Variants in CACNB4 observed in about 807,000 individuals in gnomAD.
CACNB4 encodes voltage-dependent L-type calcium channel subunit beta-4.
In CACNB4, 32 loss-of-function variants were observed where a neutral mutation model predicts 71.2. The ratio of observed to expected loss-of-function variants is 0.45; its 90% CI spans 0.34 to 0.60. The LOEUF is 0.60. CACNB4 is among the 20% of genes least tolerant of loss of function. The pLI is 0.01. For missense variants in CACNB4, 464 were observed against 647.9 expected, an observed-to-expected ratio of 0.72 and a Z score of 3.08; for synonymous variants, 231 against 236.9, an observed-to-expected ratio of 0.97 and a Z score of 0.23.
chr2:151,840,381 C>T (rs982203709), intron 13 of CACNB4, among the ~76,000 whole-genome samples: 5 of 152,356 alleles, frequency 3.3e-5, no homozygotes, highest in African/African-American at 1.2e-4. Flanking sequence ...GGGAGAACCA[C>T]TCTAGGTGGA....
At position 151,876,509 on chromosome 2, in the gene CACNB4, A is replaced by G. The variant is rs373311758; in HGVS notation, c.438T>C (p.Cys146=). The G allele has an allele frequency of 8.7e-6, 14 of 1,602,512 alleles. No individual in the cohort carries two copies. In the African/African-American group the frequency reaches 1.2e-4, roughly 14 times the overall value. ...WWIGRLVKEG[C]EIGFIPSPLR... Reference sequence around the variant, plus strand: ...GTGGACTTGGAATGAAGCCAATTTCACAGCCCTCTTTCACCAGCCTTCCTA... The same window carrying G: ...GTGGACTTGGAATGAAGCCAATTTCGCAGCCCTCTTTCACCAGCCTTCCTA... Residue 146 remains cysteine (C), a synonymous_variant, in exon 5 of 14, where the codon TGT becomes TGC. Coordinates refer to ENST00000539935, the MANE Select transcript of CACNB4 (RefSeq NM_000726.5).
intron 2 of CACNB4, among the ~76,000 whole-genome samples, chr2:152,043,191 G>A (rs956886113): frequency 3.3e-5 from 5 of 152,142 alleles, no homozygotes; most frequent in Admixed American, 1.3e-4. Flanking sequence ...TGAGCAGCCC[G>A]TGCCACTGCT....
intron 2 of CACNB4, among the ~76,000 whole-genome samples, chr2:151,997,008 G>A (rs1682085292): frequency 6.6e-6 from 1 of 152,118 alleles, no homozygotes; most frequent in African/African-American, 2.4e-5. Flanking sequence ...AGGGTATAAG[G>A]GCCAAGGGGT....
At chr2:152,029,403 A>G (rs1196736862) in intron 2 of CACNB4, among the ~76,000 whole-genome samples, 6 of 150,848 alleles carry the variant, frequency 4.0e-5, no homozygotes. Context: ...TTGAGGCAGG[A>G]GAATTGCTTG....
intron 2 of CACNB4, among the ~76,000 whole-genome samples, chr2:151,937,622 C>T (rs2099863239): frequency 1.3e-5 from 2 of 152,208 alleles, no homozygotes; most frequent in Admixed American, 1.3e-4. Flanking sequence ...TCTACATCTA[C>T]AATCTGGGGA....
intron 6 of CACNB4, chr2:151,872,027 G>T (rs942983351): frequency 7.5e-6 from 2 of 265,902 alleles, no homozygotes; most frequent in Non-Finnish European, 7.2e-6. Context: ...AATACATCCT[G>T]AAATTCCACA....
At chr2:152,070,206 T>G (rs1005230527) in intron 2 of CACNB4, among the ~76,000 whole-genome samples, 4 of 152,150 alleles carry the variant, frequency 2.6e-5, no homozygotes, top group African/African-American at 9.7e-5. Context: ...AAATAAACAT[T>G]TAAAAGTCAA....
intron 2 of CACNB4, among the ~76,000 whole-genome samples, chr2:151,909,953 G>A (rs911408217): frequency 1.3e-5 from 2 of 152,128 alleles, no homozygotes; most frequent in South Asian, 2.1e-4. Context: ...TTGAGGAATC[G>A]CCATACTGTC....
At chr2:152,053,729 G>T (rs1004858390) in intron 2 of CACNB4, among the ~76,000 whole-genome samples, 2 of 151,878 alleles carry the variant, frequency 1.3e-5, no homozygotes, top group African/African-American at 4.8e-5. Flanking sequence ...TCACTATGTT[G>T]CCCAGGCCTG....
intron 2 of CACNB4, among the ~76,000 whole-genome samples, chr2:151,949,308 A>G (rs910424166): frequency 1.3e-5 from 2 of 152,102 alleles, no homozygotes; most frequent in Admixed American, 6.5e-5. Flanking sequence ...TTTCAGACAC[A>G]TGATGGACTA....
chr2:151,979,150 T>C (rs1362094504), intron 2 of CACNB4, among the ~76,000 whole-genome samples: 1 of 151,884 alleles, frequency 6.6e-6, no homozygotes, highest in African/African-American at 2.4e-5. Flanking sequence ...TAACAAATGC[T>C]ACTGCTGGTT....
At chr2:151,947,816 G>A (rs10497090) in intron 2 of CACNB4, among the ~76,000 whole-genome samples, 34,405 of 152,096 alleles carry the variant, frequency 0.23, 4,008 homozygotes, top group Middle Eastern at 0.42. Context: ...ACTATTATGA[G>A]AATGTCTATT....
At chr2:152,012,748 G>A (rs1222782174) in intron 2 of CACNB4, among the ~76,000 whole-genome samples, 1 of 152,134 alleles carries the variant, frequency 6.6e-6, no homozygotes, top group Non-Finnish European at 1.5e-5. Context: ...AGAAGTTAAA[G>A]TTTATAAAGT....
intron 2 of CACNB4, among the ~76,000 whole-genome samples, chr2:152,036,685 C>T (rs1022133531): frequency 1.3e-5 from 2 of 152,058 alleles, no homozygotes; most frequent in South Asian, 2.1e-4. Flanking sequence ...GTGAGGATGT[C>T]GACCTCTAGA....
intron 12 of CACNB4, among the ~76,000 whole-genome samples, chr2:151,846,412 G>C (rs1267692159): frequency 6.6e-6 from 1 of 152,086 alleles, no homozygotes; most frequent in Non-Finnish European, 1.5e-5. Flanking sequence ...GCATGGAGGG[G>C]AGAATCTCAT....
At position 151,916,507 on chromosome 2, in the gene CACNB4, T is replaced by C. The variant is rs554860581; in HGVS notation, c.148-33137A>G. On this transcript the variant is annotated intron_variant, in intron 2 of 13. Transcript: ENST00000539935. ...ATGAAAAAAAAAGAGAATGTCATAG[T>C]GGAATAAAGTATCACCAGTTTTAAA... 1.2e-4 allele frequency among the ~76,000 whole-genome samples: 19 copies of C among 152,272 alleles called. No individual in the cohort carries two copies. In the East Asian group the frequency reaches 1.5e-3, roughly 12 times the overall value.
chr2:151,943,713 G>A (rs2099864844), intron 2 of CACNB4, among the ~76,000 whole-genome samples: 1 of 152,180 alleles, frequency 6.6e-6, no homozygotes, highest in African/African-American at 2.4e-5. Flanking sequence ...AAAGCCTCCA[G>A]AAAATAGCCA....
At chr2:151,948,403 G>A (rs1198911054) in intron 2 of CACNB4, among the ~76,000 whole-genome samples, 1 of 152,234 alleles carries the variant, frequency 6.6e-6, no homozygotes, top group Non-Finnish European at 1.5e-5. Context: ...GTTCATGCCT[G>A]TAATCCCAAC....
chr2:152,000,075 C>G (rs1481885687), intron 2 of CACNB4, among the ~76,000 whole-genome samples: 3 of 152,206 alleles, frequency 2.0e-5, no homozygotes, highest in African/African-American at 7.2e-5. Context: ...CTTGACCTTT[C>G]CTCCCAGTCA....
Sources: gnomAD v4.1 joint callset for allele counts (sites outside exome capture counted in the v4.1 genomes callset) on GRCh38, gnomAD v4.1.1 for gene constraint, MANE v1.5 for transcripts, NCBI Gene and HGNC (gene_info 2026-07-23, HGNC 2026-07-21) for gene names.